NECAB2: variants seen among roughly 807,000 people sequenced by gnomAD.
NECAB2 encodes the protein N-terminal EF-hand calcium-binding protein 2.
A neutral mutation model predicts 51.9 loss-of-function variants in NECAB2; 68 were observed. That is an observed-to-expected ratio of 1.31 (90% CI 1.08 to 1.60). The LOEUF is 1.60. Among genes scored for constraint, NECAB2 ranks in the 40% most tolerant of loss-of-function variants. The probability of loss-of-function intolerance (pLI) is 0.00; values close to 1 mark genes in which losing one functional copy is unlikely to be tolerated. For missense variants in NECAB2, 854 were observed against 490.3 expected, an observed-to-expected ratio of 1.74 and a Z score of -7.00; for synonymous variants, 329 against 203.5, an observed-to-expected ratio of 1.62 and a Z score of -5.25.
chr16:83,992,043 T>C (rs2084632337), intron 6 of NECAB2, among the ~76,000 whole-genome samples: 1 of 151,904 alleles, frequency 6.6e-6, no homozygotes, highest in African/African-American at 2.4e-5. Context: ...GAAGTAACTG[T>C]AAAAATAAGC....
chr16:83,997,245 G>T lies in NECAB2; in HGVS notation c.825G>T (p.Leu275=). 1 of 1,614,162 alleles carries T rather than the reference G, an allele frequency of 6.2e-7. No homozygotes were observed. Among genetic ancestry groups the T allele is most frequent in the Non-Finnish European group, 8.5e-7 (1 of 1,180,024 alleles). ...KALWFDLQQR[L]SDEDGTNMHL... ...TGTGGTTCGACCTGCAGCAGCGCCT[G>T]TCAGATGAAGATGGCACCAACATGG... is the stretch of plus-strand genomic sequence containing the variant. The change falls in exon 9 of 13, where the codon CTG becomes CTT. Residue 275 remains leucine (L), a synonymous_variant. Transcript: ENST00000305202.
chr16:83,977,154 C>T (rs1412345183), intron 2 of NECAB2, among the ~76,000 whole-genome samples: 1 of 152,220 alleles, frequency 6.6e-6, no homozygotes, highest in African/African-American at 2.4e-5. Flanking sequence ...TTGTCCCAAG[C>T]ACCCAGCTTT....
chr16:83,990,428 C>G lies in NECAB2; in HGVS notation c.460-66C>G, dbSNP rs566341105. ...CACCAGCTTTCCCCCAACTCCTGTG[C>G]TAGACCCCACCTCCAATTTCCCTCC... On this transcript the variant is annotated intron_variant, in intron 5 of 12. Coordinates refer to ENST00000305202, the MANE Select transcript of NECAB2 (RefSeq NM_019065.3). 3.2e-6 allele frequency: 5 copies of G among 1,586,956 alleles called. No individual in the cohort carries two copies. The African/African-American group carries it at 4.0e-5, about 13-fold the overall frequency.
At chr16:84,000,321 G>C (rs948875724) in intron 10 of NECAB2, among the ~76,000 whole-genome samples, 1 of 150,164 alleles carries the variant, frequency 6.7e-6, no homozygotes, top group African/African-American at 2.5e-5. Flanking sequence ...CCTGAGCCCA[G>C]GAGTTAAAGA....
chr16:83,986,266 C>G (rs1305786369), intron 5 of NECAB2, among the ~76,000 whole-genome samples: 3 of 152,198 alleles, frequency 2.0e-5, no homozygotes, highest in African/African-American at 4.8e-5. Flanking sequence ...TTCCACCCGC[C>G]TCAGTCTCCC....
chr16:83,998,264 G>A lies in NECAB2; in HGVS notation c.909G>A (p.Leu303=), dbSNP rs1370826473. The A allele has an allele frequency of 2.3e-5, 37 of 1,613,324 alleles. No homozygotes were observed. The highest frequency in any genetic ancestry group is 6.7e-5 in the East Asian group (3 of 44,856). ...GCCCCGAGCAACTGAGCGAGTTTCTGGACTCTCTGCGCCAGTATCTGCGGG... is the reference window on the plus strand; with the variant it reads ...GCCCCGAGCAACTGAGCGAGTTTCTAGACTCTCTGCGCCAGTATCTGCGGG... ...AVCPEQLSEF[L]DSLRQYLRGT... is the part of the protein sequence containing the mutation. Residue 303 remains leucine, a synonymous_variant, in exon 10 of 13, where the codon CTG becomes CTA. Transcript: ENST00000305202.
chr16:83,998,207 C>A lies in NECAB2; in HGVS notation c.852C>A (p.His284Gln). 6.2e-7 allele frequency: 1 copy of A among 1,609,010 alleles called. No homozygotes were observed. Among genetic ancestry groups the A allele is most frequent in the Middle Eastern group, 1.6e-4 (1 of 6,062 alleles). ...CTGACTCCTGCTGTGCCCGGCAGCA[C>A]CTGCAGCTGGTCCGGCAGGAGATGG... is the stretch of plus-strand genomic sequence containing the variant. ...RLSDEDGTNMHLQLVRQEMAV... is the reference protein window; with the variant it reads ...RLSDEDGTNMQLQLVRQEMAV... Residue 284 changes from histidine to glutamine, a missense_variant and splice_region_variant, in exon 10 of 13, where the codon CAC becomes CAA. Transcript: ENST00000305202.
At chr16:83,997,910 CTG>C (rs968292328) in intron 9 of NECAB2, among the ~76,000 whole-genome samples, 6 of 152,252 alleles carry the variant, frequency 3.9e-5, no homozygotes, top group African/African-American at 1.2e-4. Context: ...AGTGGATGTG[CTG>C]TGTCTCCAGG....
intron 5 of NECAB2, among the ~76,000 whole-genome samples, chr16:83,982,493 G>A (rs936885196): frequency 6.6e-6 from 1 of 152,186 alleles, no homozygotes; most frequent in Non-Finnish European, 1.5e-5. Context: ...CCAGACAAGG[G>A]TGGCAATGCC....
chr16:84,001,111 T>A (rs572460767), intron 11 of NECAB2, among the ~76,000 whole-genome samples: 13 of 152,064 alleles, frequency 8.5e-5, no homozygotes, highest in Non-Finnish European at 1.9e-4. Flanking sequence ...TTTACCACCC[T>A]GTAGAGTTGA....
chr16:83,971,873 G>A, intron 1 of NECAB2: 1 of 581,646 alleles, frequency 1.7e-6, no homozygotes, highest in Non-Finnish European at 3.1e-6. Flanking sequence ...TGCAGGGATG[G>A]CCGTGGGCCT....
intron 2 of NECAB2, among the ~76,000 whole-genome samples, chr16:83,972,628 A>G (rs1436066860): frequency 6.6e-6 from 1 of 152,198 alleles, no homozygotes; most frequent in African/African-American, 2.4e-5. Context: ...CTCTGTTGAC[A>G]CCATAGCAGC....
Position 83,989,995 on chromosome 16 carries a change from A to G in NECAB2, c.460-499A>G, listed in dbSNP as rs117440898. Reference sequence around the variant, plus strand: ...AGCAGCCTGGAGATCCAGGAGCCCTAGGAATCCTCCTTGCAGGAGGAAGGA... The same window carrying G: ...AGCAGCCTGGAGATCCAGGAGCCCTGGGAATCCTCCTTGCAGGAGGAAGGA... On this transcript the variant is annotated intron_variant, in intron 5 of 12. Coordinates refer to ENST00000305202, the MANE Select transcript of NECAB2 (RefSeq NM_019065.3). Among the ~76,000 whole-genome samples the G allele has an allele frequency of 4.3e-3, 658 of 152,260 alleles. 1 individual carries two copies. Among genetic ancestry groups the G allele is most frequent in the Non-Finnish European group, 8.1e-3 (550 of 68,000 alleles).
intron 5 of NECAB2, among the ~76,000 whole-genome samples, chr16:83,984,654 C>T (rs557926421): frequency 6.6e-6 from 1 of 152,184 alleles, no homozygotes; most frequent in East Asian, 1.9e-4. Context: ...TCTCTGGAGC[C>T]TGGGAAGTCG....
At chr16:83,992,857 A>G (rs2084643806) in intron 6 of NECAB2, among the ~76,000 whole-genome samples, 1 of 152,200 alleles carries the variant, frequency 6.6e-6, no homozygotes, top group Admixed American at 6.5e-5. Flanking sequence ...CTGTGAAAAA[A>G]GCTGACACTT....
chr16:83,982,459 G>A (rs9931389), intron 5 of NECAB2, among the ~76,000 whole-genome samples: 41,367 of 152,102 alleles, frequency 0.27, 10,502 homozygotes, highest in African/African-American at 0.68. Flanking sequence ...GGTAGCATGG[G>A]AAGATCCCAG....
chr16:83,976,818 T>G (rs940151063), intron 2 of NECAB2, among the ~76,000 whole-genome samples: 9 of 152,184 alleles, frequency 5.9e-5, no homozygotes, highest in South Asian at 4.2e-4. Flanking sequence ...CATGAAACCT[T>G]GGCAAGATCT....
rs568245597 is a variant in NECAB2 at position 83,991,031 on chromosome 16, G to T, written c.596+401G>T. Among the ~76,000 whole-genome samples the T allele has an allele frequency of 2.8e-4, 43 of 152,252 alleles. No homozygotes were observed. The South Asian group carries it at 3.3e-3, about 12-fold the overall frequency. ...CAAAAAGTGTCGCTCTGTCGCCCAG[G>T]AGTGCAGTGGCGTGATTTTGGCTCA... On this transcript the variant is annotated intron_variant, in intron 6 of 12. Transcript: ENST00000305202.
At chr16:83,996,982 C>G (rs992887096) in intron 8 of NECAB2, among the ~76,000 whole-genome samples, 1 of 150,756 alleles carries the variant, frequency 6.6e-6, no homozygotes, top group Non-Finnish European at 1.5e-5. Flanking sequence ...GGACTCAGGC[C>G]TCTGGAGTCC....
Sources: gnomAD v4.1 joint callset for allele counts (sites outside exome capture counted in the v4.1 genomes callset) on GRCh38, gnomAD v4.1.1 for gene constraint, MANE v1.5 for transcripts, NCBI Gene and HGNC (gene_info 2026-07-23, HGNC 2026-07-21) for gene names.